Variants in MINDY4 observed in about 807,000 individuals in gnomAD.
MINDY4 encodes MINDY lysine 48 deubiquitinase 4, also known as probable ubiquitin carboxyl-terminal hydrolase MINDY-4.
MINDY4 carries 68 observed loss-of-function variants against 87.0 expected under a neutral mutation model. The ratio of observed to expected loss-of-function variants is 0.78; its 90% CI spans 0.64 to 0.96. MINDY4 has a LOEUF of 0.96. Among genes scored for constraint, MINDY4 ranks in the 40% least tolerant of loss-of-function variants. The probability of loss-of-function intolerance (pLI) is 0.00; values close to 1 mark genes in which losing one functional copy is unlikely to be tolerated. For synonymous variants in MINDY4, 379 were observed against 363.2 expected, an observed-to-expected ratio of 1.04 and a Z score of -0.50; for missense variants, 919 against 928.2, an observed-to-expected ratio of 0.99 and a Z score of 0.13.
At chr7:30,845,829 G>A (rs1263967509) in intron 9 of MINDY4, among the ~76,000 whole-genome samples, 34 of 152,250 alleles carry the variant, frequency 2.2e-4, no homozygotes. Context: ...CTGCAGGACT[G>A]TCTGGCTTCA....
At chr7:30,835,439 A>G (rs1249111641) in intron 6 of MINDY4, among the ~76,000 whole-genome samples, 1 of 152,202 alleles carries the variant, frequency 6.6e-6, no homozygotes, top group East Asian at 1.9e-4. Flanking sequence ...GAGTTACAAA[A>G]TGAAATTTGG....
At chr7:30,854,398 C>T (rs937492620) in intron 12 of MINDY4, among the ~76,000 whole-genome samples, 17 of 152,254 alleles carry the variant, frequency 1.1e-4, no homozygotes, top group African/African-American at 3.9e-4. Context: ...CTAAGGGCAG[C>T]CTTGAGATGG....
chr7:30,839,605 C>A (rs547130975), intron 8 of MINDY4, among the ~76,000 whole-genome samples: 1 of 152,094 alleles, frequency 6.6e-6, no homozygotes, highest in South Asian at 2.1e-4. Context: ...GGAGAGAGAG[C>A]AGTAGGAGGC....
chr7:30,850,108 G>T (rs370220161), intron 9 of MINDY4, among the ~76,000 whole-genome samples: 53 of 152,302 alleles, frequency 3.5e-4, no homozygotes, highest in African/African-American at 1.2e-3. Context: ...TGCTGGCTGG[G>T]CCTCCCAGTC....
intron 10 of MINDY4, 74 bp from the exon 11 acceptor site, chr7:30,852,142 T>C: frequency 1.9e-6 from 3 of 1,550,366 alleles, no homozygotes; most frequent in Admixed American, 1.8e-5. Flanking sequence ...TAATGACACA[T>C]GTGGTTTCGC....
At chr7:30,858,985 C>T (rs1181593927) in intron 12 of MINDY4, 1 of 685,230 alleles carries the variant, frequency 1.5e-6, no homozygotes, top group Non-Finnish European at 2.7e-6. Context: ...ATGACTGTTG[C>T]TGTCTTGTGA....
chr7:30,863,892 AAACCACATGGCTAG>A (rs1482472617), intron 13 of MINDY4, among the ~76,000 whole-genome samples: 2 of 152,166 alleles, frequency 1.3e-5, no homozygotes, highest in African/African-American at 2.4e-5. Context: ...GCTGCTTTTC[AAACCACATGGCTAG>A]AACTTTCCCC....
In MINDY4 at chr7:30,782,013, A is replaced by G. The variant is rs768129586; in HGVS notation, c.220A>G (p.Ile74Val). ...ENPLKTSLEL[I>V]TRYFLDHFGN... is the part of the protein sequence containing the mutation. The stretch of plus-strand genomic sequence containing the variant: ...TCCTCTAAAAACAAGCCTTGAACTC[A>G]TCACCAGATACTTTCTGGATCACTT... Residue 74 changes from isoleucine (I) to valine (V), a missense_variant, in exon 3 of 18, where the codon ATC becomes GTC. By Grantham distance (29) the Ile-to-Val change is conservative. Transcript: ENST00000265299. 1 of 1,614,014 alleles carries G rather than the reference A, an allele frequency of 6.2e-7. No individual in the cohort carries two copies. The highest frequency in any genetic ancestry group is 8.5e-7 in the Non-Finnish European group (1 of 1,180,024).
chr7:30,890,358 C>A (rs944423369), intron 17 of MINDY4, among the ~76,000 whole-genome samples: 1 of 152,230 alleles, frequency 6.6e-6, no homozygotes, highest in African/African-American at 2.4e-5. Context: ...CGATGGTATG[C>A]ACGATCTATC....
intron 13 of MINDY4, among the ~76,000 whole-genome samples, chr7:30,871,702 T>G (rs1206960092): frequency 6.6e-6 from 1 of 152,222 alleles, no homozygotes; most frequent in Non-Finnish European, 1.5e-5. Context: ...AAGACATCCC[T>G]TTTCTGAGGC....
intron 13 of MINDY4, among the ~76,000 whole-genome samples, chr7:30,860,324 C>T (rs867803286): frequency 4.6e-5 from 7 of 152,266 alleles, no homozygotes; most frequent in Middle Eastern, 3.4e-3. Flanking sequence ...ACAGTGGGGG[C>T]TCTGTGGCCT....
intron 9 of MINDY4, among the ~76,000 whole-genome samples, chr7:30,841,298 A>T (rs1447293272): frequency 6.6e-6 from 1 of 152,126 alleles, no homozygotes; most frequent in East Asian, 1.9e-4. Flanking sequence ...TTCAGTTTCC[A>T]TTTCACACAT....
intron 13 of MINDY4, among the ~76,000 whole-genome samples, chr7:30,870,370 A>G (rs1584340513): frequency 1.3e-5 from 2 of 152,262 alleles, no homozygotes; most frequent in East Asian, 3.9e-4. Context: ...TGCAGAGAGC[A>G]TTTCCATCAA....
chr7:30,780,956 C>G (rs1361345594), intron 2 of MINDY4: 1 of 152,012 alleles, frequency 6.6e-6, no homozygotes, highest in Non-Finnish European at 1.5e-5. Context: ...TAAAACTGTC[C>G]CGGGTTTTGT....
intron 7 of MINDY4, among the ~76,000 whole-genome samples, chr7:30,838,285 T>C (rs1458410814): frequency 6.6e-6 from 1 of 152,006 alleles, no homozygotes. Flanking sequence ...CAGCCAGAAG[T>C]CTGGAGAAGA....
At chr7:30,836,155 A>G (rs1465388299) in intron 6 of MINDY4, among the ~76,000 whole-genome samples, 3 of 152,278 alleles carry the variant, frequency 2.0e-5, no homozygotes, top group African/African-American at 4.8e-5. Context: ...CAAGCAGTCA[A>G]TAAATGCAAG....
At chr7:30,828,581 G>T in intron 5 of MINDY4, 98 bp from the exon 6 acceptor site, 1 of 1,234,652 alleles carries the variant, frequency 8.1e-7, no homozygotes, top group Non-Finnish European at 1.2e-6. Flanking sequence ...AGAGAGACTT[G>T]TCTCCTGAAT....
At position 30,791,383 on chromosome 7, in the gene MINDY4, C is replaced by T. The variant is rs1413909841; in HGVS notation, c.882C>T (p.Pro294=). ...KTTASSPPHL[P]SKRLPPWDRA... ...CTGCCAGCAGCCCTCCCCATCTGCC[C>T]AGCAAACGGCTGCCCCCATGGGACA... Residue 294 remains proline, a synonymous_variant, in exon 5 of 18, where the codon CCC becomes CCT. Transcript: ENST00000265299. 6.2e-7 allele frequency: 1 copy of T among 1,614,136 alleles called. No homozygotes were observed. Among genetic ancestry groups the T allele is most frequent in the Non-Finnish European group, 8.5e-7 (1 of 1,180,010 alleles).
At chr7:30,863,663 C>T (rs1442752363) in intron 13 of MINDY4, among the ~76,000 whole-genome samples, 1 of 152,134 alleles carries the variant, frequency 6.6e-6, no homozygotes, top group Non-Finnish European at 1.5e-5. Flanking sequence ...CAGATGTAAA[C>T]CTAGCCGAGT....
Sources: gnomAD v4.1 joint callset for allele counts (sites outside exome capture counted in the v4.1 genomes callset) on GRCh38, gnomAD v4.1.1 for gene constraint, MANE v1.5 for transcripts, NCBI Gene and HGNC (gene_info 2026-07-23, HGNC 2026-07-21) for gene names.